Variants in LHX9 observed in about 807,000 individuals in gnomAD.
LHX9 encodes LIM homeobox 9, also known as LIM/homeobox protein Lhx9.
In LHX9, 9 loss-of-function variants were observed where a neutral mutation model predicts 36.5. That is an observed-to-expected ratio of 0.25 (90% CI 0.15 to 0.43). The LOEUF (loss-of-function observed/expected upper bound fraction) is 0.43, where lower values mean the gene tolerates loss of function less well. Among genes scored for constraint, LHX9 ranks in the 20% least tolerant of loss-of-function variants. LHX9 has a pLI of 1.00. For synonymous variants in LHX9, 211 were observed against 212.1 expected (o/e 0.99, Z 0.04); for missense variants, 464 against 526.4 (o/e 0.88, Z 1.16).
At chr1:197,915,462 C>T (rs1310244787), upstream of LHX9, among the ~76,000 whole-genome samples, 2 of 152,176 alleles carry the variant, frequency 1.3e-5, no homozygotes, top group Non-Finnish European at 2.9e-5. Flanking sequence ...TTGAAAAGCT[C>T]ATTGATTCCC....
chr1:197,920,123 T>C lies in LHX9; in HGVS notation c.326T>C (p.Leu109Pro), dbSNP rs752359171. The change falls in exon 2 of 5, where the codon CTC (leucine) becomes CCC (proline). Residue 109 changes from leucine (L) to proline (P), a missense_variant. Leu to Pro is a moderately conservative substitution (Grantham distance 98). Transcript: ENST00000367387. ...TGTAAGCTGGCCCTCGAGTCCGAGC[T>C]CACCTGCTTTGCCAAGGACGGTAGC... Reference protein sequence around the residue: ...CECKLALESELTCFAKDGSIY... With the variant: ...CECKLALESEPTCFAKDGSIY... 1 of 1,614,222 alleles carries C rather than the reference T, an allele frequency of 6.2e-7. No individual in the cohort carries two copies. The highest frequency in any genetic ancestry group is 8.5e-7 in the Non-Finnish European group (1 of 1,180,032).
chr1:197,916,880 G>A, upstream of LHX9: 2 of 659,006 alleles, frequency 3.0e-6, no homozygotes, highest in Non-Finnish European at 5.5e-6. Flanking sequence ...CAATATTTAT[G>A]CATTTCGGGT....
Position 197,917,901 on chromosome 1 carries a change from C to T in LHX9, c.78C>T (p.Ser26=), listed in dbSNP as rs780087696. 27 of 1,614,182 alleles carry T rather than the reference C, an allele frequency of 1.7e-5. No individual in the cohort carries two copies. Among genetic ancestry groups the T allele is most frequent in the Non-Finnish European group, 1.9e-5 (23 of 1,180,034 alleles). Residue 26 remains serine (S), a synonymous_variant, in exon 1 of 5, where the codon TCC becomes TCT. Coordinates refer to ENST00000367387, the MANE Select transcript of LHX9 (RefSeq NM_020204.3). ...CAGCCATGCTCTTTCACGGGATCTCCGGAGGCCACATCCAAGGCATCATGG... is the reference window on the plus strand; with the variant it reads ...CAGCCATGCTCTTTCACGGGATCTCTGGAGGCCACATCCAAGGCATCATGG... ...RPPAMLFHGI[S]GGHIQGIMEE... is the part of the protein sequence containing the mutation.
At chr1:197,913,948 C>T (rs1659681693), upstream of LHX9, among the ~76,000 whole-genome samples, 1 of 152,206 alleles carries the variant, frequency 6.6e-6, no homozygotes, top group Non-Finnish European at 1.5e-5. Flanking sequence ...ATTTCCCTTT[C>T]CTCCCCCCTA....
At chr1:197,918,575 T>A in intron 1 of LHX9, 1 of 574,776 alleles carries the variant, frequency 1.7e-6, no homozygotes, top group Non-Finnish European at 3.1e-6. Context: ...GAGACAGCAC[T>A]ACGTTTAGCG....
rs1315452943 is a variant in LHX9, at chr1:197,927,804, T to C, written c.936+11T>C. The stretch of plus-strand genomic sequence containing the variant: ...AAAAGAGTTTTGCAGGTAAGACACA[T>C]GCATCATTGACTGTGCATACATTTC... On this transcript the variant is annotated intron_variant, in intron 4 of 4. Transcript: ENST00000367387. The C allele has an allele frequency of 1.9e-6, 3 of 1,609,612 alleles. No individual in the cohort carries two copies. Among genetic ancestry groups the C allele is most frequent in the Admixed American group, 1.7e-5 (1 of 60,022 alleles).
chr1:197,915,439 T>C (rs557132536), upstream of LHX9, among the ~76,000 whole-genome samples: 2 of 152,322 alleles, frequency 1.3e-5, no homozygotes, highest in South Asian at 4.1e-4. Context: ...GCCCTTCTTG[T>C]GTGCACGTGG....
rs1268938657 is a variant in LHX9 at position 197,920,143 on chromosome 1, G to A, written c.346G>A (p.Gly116Ser). 1.2e-6 allele frequency: 2 copies of A among 1,614,052 alleles called. No individual in the cohort carries two copies. The highest frequency in any genetic ancestry group is 1.3e-5 in the African/African-American group (1 of 74,924). Residue 116 changes from glycine to serine, a missense_variant, in exon 2 of 5, where the codon GGT (glycine) becomes AGT (serine). This residue lies in a region of LHX9 where 93 missense variants were observed against 150.3 expected (regional missense o/e 0.62). Coordinates refer to ENST00000367387, the MANE Select transcript of LHX9 (RefSeq NM_020204.3). ...CGAGCTCACCTGCTTTGCCAAGGACGGTAGCATTTACTGCAAGGAGGATTA... is the reference window on the plus strand; with the variant it reads ...CGAGCTCACCTGCTTTGCCAAGGACAGTAGCATTTACTGCAAGGAGGATTA... Reference protein sequence around the residue: ...ESELTCFAKDGSIYCKEDYYR... With the variant: ...ESELTCFAKDSSIYCKEDYYR...
Position 197,934,416 on chromosome 1 carries a change from T to C in LHX9, c.*5157T>C, listed in dbSNP as rs545136426. 2.6e-5 allele frequency: 4 copies of C among 152,346 alleles called. No individual in the cohort carries two copies. Among genetic ancestry groups the C allele is most frequent in the Non-Finnish European group, 4.4e-5 (3 of 68,024 alleles). The allele number at this position is 152,346 out of a possible 1,614,324, so 9.4% of individuals were successfully genotyped here. On this transcript the variant is annotated 3_prime_UTR_variant, in exon 5 of 5. Transcript: ENST00000367387. ...TTAAAGAGAATATTAGGGATAATAC[T>C]GTTGTAAAAAATAAATATAAACACC...
At chr1:197,922,837 G>C (rs1660032419) in intron 3 of LHX9, among the ~76,000 whole-genome samples, 1 of 152,130 alleles carries the variant, frequency 6.6e-6, no homozygotes, top group East Asian at 1.9e-4. Flanking sequence ...CAGAGCATGG[G>C]ATCTTGCCTG....
chr1:197,914,325 A>C (rs1327203388), upstream of LHX9, among the ~76,000 whole-genome samples: 1 of 152,122 alleles, frequency 6.6e-6, no homozygotes, highest in African/African-American at 2.4e-5. Context: ...TCAGCTCAGG[A>C]ACTGAAAAAA....
At position 197,933,726 on chromosome 1, in the gene LHX9, C is replaced by T. The variant is rs1324665124; in HGVS notation, c.*4467C>T. The T allele has an allele frequency of 2.4e-5, 3 of 124,744 alleles. No homozygotes were observed. Among genetic ancestry groups the T allele is most frequent in the Non-Finnish European group, 3.3e-5 (2 of 61,432 alleles). 7.7% of individuals were successfully genotyped at this position (124,744 alleles called of 1,614,324 possible). On this transcript the variant is annotated 3_prime_UTR_variant, in exon 5 of 5. Coordinates refer to ENST00000367387, the MANE Select transcript of LHX9 (RefSeq NM_020204.3). ...AAAAAAAATACAAATTTGAAACAGG[C>T]ACATTTTTTAAAACCAAAAAAAAAA... is the stretch of plus-strand genomic sequence containing the variant.
At chr1:197,924,679 C>T (rs997530160) in intron 3 of LHX9, among the ~76,000 whole-genome samples, 7 of 152,150 alleles carry the variant, frequency 4.6e-5, no homozygotes, top group Non-Finnish European at 1.0e-4. Flanking sequence ...TTTAAGGCTC[C>T]TGGTGGTTAA....
In LHX9 at chr1:197,919,911, C is replaced by T. The variant is rs1044385774; in HGVS notation, c.175-61C>T. ...TGGGCTTGGTCTGCCTGGGGGAGAA[C>T]CCCGCGTCGTGCGGCTACACCGCGC... On this transcript the variant is annotated intron_variant, in intron 1 of 4. Transcript: ENST00000367387. 24 of 1,567,768 alleles carry T rather than the reference C, an allele frequency of 1.5e-5. No homozygotes were observed. The South Asian group carries it at 2.6e-4, about 17-fold the overall frequency.
At position 197,930,967 on chromosome 1, in the gene LHX9, C is replaced by A. The variant is rs551127384; in HGVS notation, c.*1708C>A. ...GTAAGGCTGAGATCTTATTAATACA[C>A]TTTTACAGGTAAAATATTGACACTT... is the stretch of plus-strand genomic sequence containing the variant. On this transcript the variant is annotated 3_prime_UTR_variant, in exon 5 of 5. Coordinates refer to ENST00000367387, the MANE Select transcript of LHX9 (RefSeq NM_020204.3). The A allele has an allele frequency of 6.6e-6, 1 of 152,088 alleles. No homozygotes were observed. Among genetic ancestry groups the A allele is most frequent in the Admixed American group, 6.5e-5 (1 of 15,288 alleles). The allele number at this position is 152,088 out of a possible 1,614,324, so 9.4% of individuals were successfully genotyped here. A position where few individuals can be genotyped will look rare whatever the true frequency, so the allele number is the denominator to read the frequency against.
rs1336780521 is a variant in LHX9, at chr1:197,930,428, G to A, written c.*1169G>A. ...GTAGCATTTTTTTCTTTTAATTTAA[G>A]CTAAAATCTTAATGGTCTGGGCAGT... On this transcript the variant is annotated 3_prime_UTR_variant, in exon 5 of 5. Transcript: ENST00000367387. The A allele has an allele frequency of 1.3e-5, 2 of 151,786 alleles. No individual in the cohort carries two copies. The highest frequency in any genetic ancestry group is 2.1e-4 in the South Asian group (1 of 4,824). 9.4% of individuals were successfully genotyped at this position (151,786 alleles called of 1,614,324 possible).
At chr1:197,918,368 T>C (rs1280755789) in intron 1 of LHX9, 5 of 717,084 alleles carry the variant, frequency 7.0e-6, no homozygotes, top group Non-Finnish European at 2.6e-6. Context: ...GCATAAGCAA[T>C]AGGAGGACGG....
Position 197,917,509 on chromosome 1 carries a change from T to C in LHX9, c.-315T>C. The C allele has an allele frequency of 1.4e-6, 2 of 1,402,874 alleles. No individual in the cohort carries two copies. Among genetic ancestry groups the C allele is most frequent in the Non-Finnish European group, 1.9e-6 (2 of 1,052,958 alleles). The allele number at this position is 1,402,874 out of a possible 1,614,324, so 86.9% of individuals were successfully genotyped here. ...TTTTGTTTTCCTCCCCCCGCTGCAG[T>C]TGTTTCCCATTAGTAACTCGATCTC... On this transcript the variant is annotated 5_prime_UTR_variant, in exon 1 of 5. Transcript: ENST00000367387.
intron 1 of LHX9, among the ~76,000 whole-genome samples, chr1:197,918,998 C>T (rs1036012650): frequency 6.6e-6 from 1 of 152,150 alleles, no homozygotes; most frequent in African/African-American, 2.4e-5. Flanking sequence ...AGTGCCGGGG[C>T]CCCTGGTCGG....
Sources: gnomAD v4.1 joint callset for allele counts (sites outside exome capture counted in the v4.1 genomes callset) on GRCh38, gnomAD v4.1.1 for gene constraint, gnomAD v4.1.1 regional missense constraint, MANE v1.5 for transcripts, NCBI Gene and HGNC (gene_info 2026-07-23, HGNC 2026-07-21) for gene names.